Variants in KIF6 observed in about 807,000 individuals in gnomAD.
KIF6 encodes kinesin-like protein KIF6.
A neutral mutation model predicts 112.7 loss-of-function variants in KIF6; 106 were observed. The observed-to-expected ratio is 0.94, with a 90% CI of 0.80 to 1.11. The LOEUF (loss-of-function observed/expected upper bound fraction) is 1.11, where lower values mean the gene tolerates loss of function less well. Among genes scored for constraint, KIF6 ranks in the 50% least tolerant of loss-of-function variants. The pLI, the probability that KIF6 is intolerant of heterozygous loss-of-function variation, is 0.00. For synonymous variants in KIF6, 339 were observed against 339.9 expected, an observed-to-expected ratio of 1.00 and a Z score of 0.03; for missense variants, 929 against 964.0, an observed-to-expected ratio of 0.96 and a Z score of 0.48.
chr6:39,460,268 G>C (rs1367423094), intron 13 of KIF6, among the ~76,000 whole-genome samples: 1 of 117,568 alleles, frequency 8.5e-6, no homozygotes, highest in African/African-American at 3.4e-5. Flanking sequence ...GTAAACTATC[G>C]CAAGAACAAA....
chr6:39,687,242 C>T (rs906246672), intron 3 of KIF6, among the ~76,000 whole-genome samples: 3 of 152,170 alleles, frequency 2.0e-5, no homozygotes, highest in Non-Finnish European at 2.9e-5. Flanking sequence ...TCCCCCAACA[C>T]AAAGCAGACA....
At chr6:39,481,395 A>C (rs1014431719) in intron 13 of KIF6, among the ~76,000 whole-genome samples, 6 of 152,204 alleles carry the variant, frequency 3.9e-5, no homozygotes, top group Non-Finnish European at 7.3e-5. Context: ...ATATGTTTTA[A>C]AGATTTTATA....
chr6:39,349,525 C>T (rs577687570), intron 19 of KIF6, among the ~76,000 whole-genome samples: 7 of 146,480 alleles, frequency 4.8e-5, no homozygotes, highest in East Asian at 4.2e-4. Context: ...GGAGAAGAGG[C>T]GAGTGGAGGA....
chr6:39,586,949 G>A (rs989210593), intron 7 of KIF6, among the ~76,000 whole-genome samples: 10 of 152,170 alleles, frequency 6.6e-5, no homozygotes, highest in African/African-American at 2.2e-4. Context: ...ACAGGTAGTT[G>A]AGATGATTAA....
intron 12 of KIF6, among the ~76,000 whole-genome samples, chr6:39,543,014 C>T (rs1212957183): frequency 6.6e-6 from 1 of 152,154 alleles, no homozygotes; most frequent in Non-Finnish European, 1.5e-5. Context: ...ATGGTGATGC[C>T]TGGATTCACC....
intron 13 of KIF6, among the ~76,000 whole-genome samples, chr6:39,483,561 A>T (rs952340803): frequency 6.6e-6 from 1 of 152,232 alleles, no homozygotes; most frequent in South Asian, 2.1e-4. Context: ...TCCCTCGCTC[A>T]TGAAAACAAC....
chr6:39,369,166 G>T (rs1765781746), intron 16 of KIF6, among the ~76,000 whole-genome samples: 1 of 152,156 alleles, frequency 6.6e-6, no homozygotes, highest in Non-Finnish European at 1.5e-5. Context: ...AAAGATTCTG[G>T]CTTCCCAATC....
chr6:39,346,613 G>C, intron 19 of KIF6, 87 bp from the exon 20 acceptor site: 1 of 613,196 alleles, frequency 1.6e-6, no homozygotes, highest in South Asian at 2.0e-5. Flanking sequence ...CAAGAGCCAA[G>C]AGTCCTGTCT....
At chr6:39,478,532 C>T (rs1393598137) in intron 13 of KIF6, among the ~76,000 whole-genome samples, 1 of 152,098 alleles carries the variant, frequency 6.6e-6, no homozygotes, top group Non-Finnish European at 1.5e-5. Flanking sequence ...ATAATGACTT[C>T]TTTTCCTCTG....
intron 15 of KIF6, among the ~76,000 whole-genome samples, chr6:39,410,031 G>C (rs1013639070): frequency 6.6e-6 from 1 of 152,344 alleles, no homozygotes; most frequent in East Asian, 1.9e-4. Flanking sequence ...GTGGAGCACA[G>C]TTCCTGCTGG....
chr6:39,501,406 G>T (rs1350114164), intron 13 of KIF6, among the ~76,000 whole-genome samples: 1 of 152,170 alleles, frequency 6.6e-6, no homozygotes, highest in African/African-American at 2.4e-5. Context: ...AACTCAAAAA[G>T]CCACAGTGCC....
At chr6:39,711,766 TA>T (rs1789570083) in intron 3 of KIF6, among the ~76,000 whole-genome samples, 1 of 152,034 alleles carries the variant, frequency 6.6e-6, no homozygotes, top group Non-Finnish European at 1.5e-5. Context: ...TTGAGATAAT[TA>T]AAATAAACGT....
In KIF6 at chr6:39,334,759, G is replaced by C. The variant is rs1443951624; in HGVS notation, c.*1773C>G. The stretch of plus-strand genomic sequence containing the variant: ...GGGGCAAATGCCATGCCATCTTCAG[G>C]GCTCTTGAGAGTGTGTGTGTGTATG... On this transcript the variant is annotated 3_prime_UTR_variant, in exon 23 of 23. Coordinates refer to ENST00000287152, the MANE Select transcript of KIF6 (RefSeq NM_145027.6). 6.6e-6 allele frequency: 1 copy of C among 152,282 alleles called. No homozygotes were observed. The highest frequency in any genetic ancestry group is 1.5e-5 in the Non-Finnish European group (1 of 68,206). 9.4% of individuals were successfully genotyped at this position (152,282 alleles called of 1,614,324 possible).
intron 10 of KIF6, among the ~76,000 whole-genome samples, chr6:39,577,041 A>T (rs1294821066): frequency 3.3e-5 from 5 of 152,224 alleles, no homozygotes; most frequent in African/African-American, 1.2e-4. Flanking sequence ...GAAATGACAT[A>T]AAACTTTTTT....
intron 10 of KIF6, among the ~76,000 whole-genome samples, chr6:39,558,474 C>T (rs1023854987): frequency 4.0e-5 from 6 of 150,580 alleles, no homozygotes; most frequent in African/African-American, 1.5e-4. Flanking sequence ...AAATATCCAG[C>T]TCTACACATA....
intron 10 of KIF6, 104 bp from the exon 11 acceptor site, chr6:39,545,792 C>T (rs1779040991): frequency 3.0e-6 from 2 of 657,174 alleles, no homozygotes; most frequent in Non-Finnish European, 5.3e-6. Context: ...ATATTGTTCC[C>T]ACCTCTTTAC....
chr6:39,484,572 G>A (rs1775005362), intron 13 of KIF6, among the ~76,000 whole-genome samples: 1 of 152,152 alleles, frequency 6.6e-6, no homozygotes, highest in South Asian at 2.1e-4. Flanking sequence ...ATGTAGACAG[G>A]CCAATGCCCC....
chr6:39,462,892 C>T (rs1222580609), intron 13 of KIF6, among the ~76,000 whole-genome samples: 1 of 151,876 alleles, frequency 6.6e-6, no homozygotes, highest in Non-Finnish European at 1.5e-5. Flanking sequence ...GGTATCAAGG[C>T]TGGTTTTTAG....
chr6:39,611,261 C>G (rs997458330), intron 6 of KIF6, among the ~76,000 whole-genome samples: 2 of 152,124 alleles, frequency 1.3e-5, no homozygotes, highest in South Asian at 4.1e-4. Context: ...TGAGCCATCA[C>G]ACACACCATG....
Sources: gnomAD v4.1 joint callset for allele counts (sites outside exome capture counted in the v4.1 genomes callset) on GRCh38, gnomAD v4.1.1 for gene constraint, MANE v1.5 for transcripts, NCBI Gene and HGNC (gene_info 2026-07-23, HGNC 2026-07-21) for gene names.